The following PARN variants were observed in gnomAD, a reference collection of about 807,000 sequenced individuals.
PARN encodes the protein poly(A)-specific ribonuclease PARN.
A neutral mutation model predicts 102.8 loss-of-function variants in PARN; 71 were observed. The ratio of observed to expected loss-of-function variants is 0.69; its 90% CI spans 0.57 to 0.84. The LOEUF is 0.84. Among genes scored for constraint, PARN ranks in the 40% least tolerant of loss-of-function variants. PARN has a pLI of 0.00. For synonymous variants in PARN, 261 were observed against 252.9 expected (o/e 1.03, Z -0.30); for missense variants, 782 against 760.9 (o/e 1.03, Z -0.33).
At chr16:14,462,277 C>T (rs1321991914) in intron 22 of PARN, among the ~76,000 whole-genome samples, 1 of 151,566 alleles carries the variant, frequency 6.6e-6, no homozygotes, top group Admixed American at 6.6e-5. Context: ...AAAAAAAATC[C>T]AATGAAAGTA....
At chr16:14,597,521 C>G (rs1391898563) in intron 12 of PARN, among the ~76,000 whole-genome samples, 1 of 151,934 alleles carries the variant, frequency 6.6e-6, no homozygotes, top group Non-Finnish European at 1.5e-5. Flanking sequence ...ATGGTGAAAC[C>G]CCGTCTCTAC....
At chr16:14,551,030 T>G (rs1329251623) in intron 21 of PARN, among the ~76,000 whole-genome samples, 1 of 151,814 alleles carries the variant, frequency 6.6e-6, no homozygotes, top group Non-Finnish European at 1.5e-5. Flanking sequence ...GGTGCGGATG[T>G]TGGCTCACTG....
intron 22 of PARN, among the ~76,000 whole-genome samples, chr16:14,473,252 G>GTA (rs1312696981): frequency 1.3e-5 from 2 of 152,160 alleles, no homozygotes; most frequent in Non-Finnish European, 2.9e-5. Context: ...ACACTCTAGT[G>GTA]TACTACACGA....
intron 9 of PARN, 126 bp from the exon 10 acceptor site, chr16:14,606,652 C>A: frequency 1.9e-6 from 1 of 514,462 alleles, no homozygotes; most frequent in South Asian, 3.3e-5. Context: ...ATTATCACTA[C>A]AATGGAGACT....
intron 22 of PARN, among the ~76,000 whole-genome samples, chr16:14,468,184 G>C (rs768805183): frequency 2.3e-4 from 35 of 152,352 alleles, no homozygotes; most frequent in Non-Finnish European, 4.3e-4. Context: ...TTTGGGAAGA[G>C]AGAGAGGAGG....
At position 14,447,087 on chromosome 16, in the gene PARN, A is replaced by T; in HGVS notation, c.1671-6T>A. On this transcript the variant is annotated splice_polypyrimidine_tract_variant and splice_region_variant and intron_variant, in intron 22 of 23. Transcript: ENST00000437198. Reference sequence around the variant, plus strand: ...CTGTGCTGGGAGCTGTAAAACTGAAATGCAAAAAGTGGAACAACATAAAAG... The same window carrying T: ...CTGTGCTGGGAGCTGTAAAACTGAATTGCAAAAAGTGGAACAACATAAAAG... 1 of 1,607,230 alleles carries T rather than the reference A, an allele frequency of 6.2e-7. No homozygotes were observed.
chr16:14,602,124 G>A (rs527564477), intron 11 of PARN: 29 of 151,548 alleles, frequency 1.9e-4, no homozygotes, highest in Admixed American at 1.2e-3. Flanking sequence ...GTAGAGATAG[G>A]GAAAAATTGC....
intron 22 of PARN, among the ~76,000 whole-genome samples, chr16:14,448,892 T>C (rs1022502437): frequency 2.6e-5 from 4 of 152,220 alleles, no homozygotes; most frequent in Admixed American, 2.6e-4. Flanking sequence ...TAAGGGAGGA[T>C]ATTAATGGTA....
intron 12 of PARN, among the ~76,000 whole-genome samples, chr16:14,595,187 C>T (rs777918431): frequency 3.9e-5 from 6 of 152,086 alleles, no homozygotes; most frequent in East Asian, 1.9e-4. Context: ...ATGTGTATAC[C>T]GGGTTTAAAC....
chr16:14,512,653 G>A (rs1965256665), intron 21 of PARN, among the ~76,000 whole-genome samples: 1 of 152,150 alleles, frequency 6.6e-6, no homozygotes, highest in Admixed American at 6.5e-5. Flanking sequence ...GAGGACACCT[G>A]GGCTCAGAAA....
chr16:14,514,957 A>C (rs919080852), intron 21 of PARN, among the ~76,000 whole-genome samples: 10 of 152,230 alleles, frequency 6.6e-5, no homozygotes, highest in Non-Finnish European at 1.5e-4. Context: ...AGGTGAAGCT[A>C]AGTTTCCATC....
chr16:14,516,377 G>A (rs1965456449), intron 21 of PARN, among the ~76,000 whole-genome samples: 2 of 152,194 alleles, frequency 1.3e-5, no homozygotes, highest in African/African-American at 4.8e-5. Flanking sequence ...AATATTGCAT[G>A]CTGAAAGGCT....
At chr16:14,607,319 T>TAGGGAGGCAGGA (rs1971250991) in intron 9 of PARN, among the ~76,000 whole-genome samples, 2 of 152,308 alleles carry the variant, frequency 1.3e-5, no homozygotes, top group African/African-American at 4.8e-5. Flanking sequence ...GAGATGCTCC[T>TAGGGAGGCAGGA]GCCTTTGCCT....
chr16:14,445,843 C>T (rs1305502030), intron 23 of PARN, among the ~76,000 whole-genome samples: 2 of 152,332 alleles, frequency 1.3e-5, no homozygotes, highest in African/African-American at 2.4e-5. Flanking sequence ...GGATTACAGG[C>T]GTGAGCCACC....
intron 16 of PARN, 89 bp downstream of exon 16, chr16:14,584,258 G>A (rs1402162633): frequency 1.6e-5 from 14 of 863,972 alleles, no homozygotes; most frequent in Admixed American, 6.2e-5. Flanking sequence ...TGAACAATAC[G>A]GTCTCCAGAG....
chr16:14,526,161 T>C (rs1245028534), intron 21 of PARN, among the ~76,000 whole-genome samples: 3 of 151,238 alleles, frequency 2.0e-5, no homozygotes, highest in Non-Finnish European at 2.9e-5. Flanking sequence ...GCCAAAAGAA[T>C]TAAATAAATC....
chr16:14,490,801 C>G (rs1369996256), intron 21 of PARN, among the ~76,000 whole-genome samples: 1 of 152,008 alleles, frequency 6.6e-6, no homozygotes, highest in Non-Finnish European at 1.5e-5. Context: ...TTTTCATATT[C>G]CATAAAGTTT....
At chr16:14,564,332 G>A (rs527667910) in intron 18 of PARN, among the ~76,000 whole-genome samples, 7 of 152,306 alleles carry the variant, frequency 4.6e-5, no homozygotes, top group South Asian at 2.1e-4. Flanking sequence ...ACGTGATGGC[G>A]TGGAGCCCTG....
chr16:14,532,174 ATTT>A (rs35785901), intron 21 of PARN, among the ~76,000 whole-genome samples: 2 of 138,284 alleles, frequency 1.4e-5, no homozygotes, highest in Non-Finnish European at 3.1e-5. Flanking sequence ...TCAAACTCTG[ATTT>A]TTTTTTTTTT....
Sources: allele counts gnomAD v4.1 joint callset (sites outside exome capture counted in the v4.1 genomes callset), GRCh38; gene constraint gnomAD v4.1.1; transcripts MANE v1.5; gene names NCBI Gene and HGNC (gene_info 2026-07-23, HGNC 2026-07-21).